PKD2L2: variants seen among roughly 807,000 people sequenced by gnomAD.
PKD2L2 encodes polycystin-2-like protein 2.
Under a neutral mutation model 83.9 loss-of-function variants are expected in PKD2L2, and 67 were observed. That is an observed-to-expected ratio of 0.80 (90% CI 0.66 to 0.98). The LOEUF is 0.98. Ranked by LOEUF, PKD2L2 falls within the 50% of genes least tolerant of loss-of-function variation. The pLI, the probability that PKD2L2 is intolerant of heterozygous loss-of-function variation, is 0.00. For synonymous variants in PKD2L2, 223 were observed against 237.8 expected (o/e 0.94, Z 0.57); for missense variants, 632 against 717.2 (o/e 0.88, Z 1.36).
At chr5:137,941,356 C>A in intron 14 of PKD2L2, among the ~76,000 whole-genome samples, 1 of 152,246 alleles carries the variant, frequency 6.6e-6, no homozygotes, top group East Asian at 1.9e-4. Context: ...GTTTCTCAGG[C>A]CTGAGATAAC....
At position 137,895,473 on chromosome 5, in the gene PKD2L2, A is replaced by T. The variant is rs1436242107; in HGVS notation, c.524+864A>T. ...GGCGACAGAGGGAGACCTTGTCCCT[A>T]AAAAAAAAAAAAAAAAAAAAGGAAG... is the stretch of plus-strand genomic sequence containing the variant. On this transcript the variant is annotated intron_variant, in intron 4 of 14. Coordinates refer to ENST00000508883, the MANE Select transcript of PKD2L2 (RefSeq NM_001300921.2). 2.6e-5 allele frequency among the ~76,000 whole-genome samples: 3 copies of T among 116,882 alleles called. No individual in the cohort carries two copies. In the Admixed American group the frequency reaches 2.6e-4, roughly 10 times the overall value. The allele number at this position is 116,882 out of a possible 152,430, so 76.7% of individuals were successfully genotyped here.
chr5:137,915,188 A>G (rs1758212073), intron 8 of PKD2L2, among the ~76,000 whole-genome samples: 2 of 152,080 alleles, frequency 1.3e-5, no homozygotes, highest in African/African-American at 4.8e-5. Context: ...GAGTTCGAAG[A>G]TTGGCATTAA....
intron 4 of PKD2L2, among the ~76,000 whole-genome samples, chr5:137,897,946 TAAAA>T (rs1376869810): frequency 6.7e-6 from 1 of 149,082 alleles, no homozygotes; most frequent in African/African-American, 2.5e-5. Flanking sequence ...AATTAAAAAA[TAAAA>T]AGAAGAAACA....
chr5:137,925,049 A>C lies in PKD2L2; in HGVS notation c.1561A>C (p.Asn521His), dbSNP rs2150049841. 2 of 1,591,844 alleles carry C rather than the reference A, an allele frequency of 1.3e-6. No individual in the cohort carries two copies. Among genetic ancestry groups the C allele is most frequent in the East Asian group, 4.5e-5 (2 of 44,728 alleles). ...TTTAAATTATGCCCAGAGTTACAAA[A>C]ATGTTCTCGAGAAATTCAGACTGAA... ...LGKMIKQSYK[N>H]VLEKFRLKKA... The change falls in exon 11 of 15, where the codon AAT becomes CAT. Residue 521 changes from asparagine (N) to histidine (H), a missense_variant. This residue lies in a region of PKD2L2 where 399 missense variants were observed against 416.9 expected (regional missense o/e 0.96). Coordinates refer to ENST00000508883, the MANE Select transcript of PKD2L2 (RefSeq NM_001300921.2).
intron 5 of PKD2L2, among the ~76,000 whole-genome samples, chr5:137,905,503 T>C (rs1757296420): frequency 6.6e-6 from 1 of 152,196 alleles, no homozygotes; most frequent in Non-Finnish European, 1.5e-5. Context: ...CTAATATCTT[T>C]AGTAGGAATA....
Position 137,889,504 on chromosome 5 carries a change from T to C in PKD2L2, c.13T>C (p.Ser5Pro). Residue 5 changes from serine to proline, a missense_variant, in exon 1 of 15, where the codon TCA becomes CCA. Around this residue, in one of 3 missense-constraint regions of PKD2L2, gnomAD observed 229 missense variants for 281.5 expected, o/e 0.81. Coordinates refer to ENST00000508883, the MANE Select transcript of PKD2L2 (RefSeq NM_001300921.2). MAEA[S>P]RWHRGGASKH... ...GTGCAGGTCCGCCATGGCTGAGGCG[T>C]CACGGTGGCACCGAGGCGGTGAGGG... 6.4e-7 allele frequency: 1 copy of C among 1,561,232 alleles called. No homozygotes were observed. The highest frequency in any genetic ancestry group is 1.4e-5 in the African/African-American group (1 of 69,838).
intron 10 of PKD2L2, among the ~76,000 whole-genome samples, chr5:137,924,350 C>T (rs544371083): frequency 2.6e-5 from 4 of 152,318 alleles, no homozygotes; most frequent in African/African-American, 4.8e-5. Flanking sequence ...TGTTTTGTGA[C>T]GCTTATTCTC....
chr5:137,920,366 C>T (rs548109270), intron 8 of PKD2L2, among the ~76,000 whole-genome samples: 1 of 152,242 alleles, frequency 6.6e-6, no homozygotes, highest in East Asian at 1.9e-4. Context: ...TACTGTGCTA[C>T]TCAAAGTCTT....
chr5:137,940,827 T>C (rs1028586496), intron 14 of PKD2L2, among the ~76,000 whole-genome samples: 5 of 152,246 alleles, frequency 3.3e-5, no homozygotes, highest in African/African-American at 1.2e-4. Context: ...AGCATCAAAC[T>C]ATCCTAACTA....
chr5:137,902,112 G>A (rs955247059), intron 5 of PKD2L2, among the ~76,000 whole-genome samples: 2 of 151,996 alleles, frequency 1.3e-5, no homozygotes, highest in African/African-American at 4.8e-5. Flanking sequence ...GCCAGATAAC[G>A]AGAAGGAAAA....
Position 137,899,603 on chromosome 5 carries a change from A to G in PKD2L2, c.612A>G (p.Leu204=). ...VYRNGGYIFT[L]SKSKSETKNK... is the part of the protein sequence containing the mutation. ...GAAATGGGGGATACATTTTCACTTT[A>G]TCAAAATCGAAATCTGAAACCAAAA... The change falls in exon 5 of 15, where the codon TTA becomes TTG. Residue 204 remains leucine, a synonymous_variant. Transcript: ENST00000508883. 9 of 1,613,828 alleles carry G rather than the reference A, an allele frequency of 5.6e-6. No homozygotes were observed. Among genetic ancestry groups the G allele is most frequent in the Non-Finnish European group, 7.6e-6 (9 of 1,179,698 alleles).
chr5:137,924,985 T>G (rs1441087222), intron 10 of PKD2L2, 55 bp from the exon 11 acceptor site: 40 of 1,019,056 alleles, frequency 3.9e-5, no homozygotes, highest in Non-Finnish European at 5.4e-5. Flanking sequence ...GATAAAACAT[T>G]AATAATCAAG....
At chr5:137,931,214 G>T (rs1393780103) in intron 12 of PKD2L2, among the ~76,000 whole-genome samples, 1 of 152,144 alleles carries the variant, frequency 6.6e-6, no homozygotes, top group Non-Finnish European at 1.5e-5. Context: ...TCATCAAAGA[G>T]CTGTCTCCAA....
At chr5:137,921,252 T>C (rs1012767201) in intron 8 of PKD2L2, among the ~76,000 whole-genome samples, 23 of 151,884 alleles carry the variant, frequency 1.5e-4, no homozygotes, top group African/African-American at 4.6e-4. Flanking sequence ...TCCCAGCTAC[T>C]TGGGAGTCTG....
chr5:137,889,886 A>T, intron 1 of PKD2L2: 1 of 279,048 alleles, frequency 3.6e-6, no homozygotes, highest in East Asian at 6.5e-5. Flanking sequence ...CCTTCCCAAG[A>T]AGCTGTATTG....
At chr5:137,940,317 G>A in intron 14 of PKD2L2, 1 of 1,607,332 alleles carries the variant, frequency 6.2e-7, no homozygotes, top group Non-Finnish European at 8.5e-7. Flanking sequence ...TACTCCTCAA[G>A]CACTGGAACA....
intron 8 of PKD2L2, 74 bp downstream of exon 8, chr5:137,909,020 T>C: frequency 3.9e-6 from 3 of 764,208 alleles, no homozygotes; most frequent in Non-Finnish European, 6.4e-6. Context: ...TCTAACCTTC[T>C]ATGATAAGTA....
At chr5:137,899,792 C>G in intron 5 of PKD2L2, 55 bp downstream of exon 5, 1 of 918,282 alleles carries the variant, frequency 1.1e-6, no homozygotes, top group Non-Finnish European at 1.7e-6. Context: ...TACAAAACTT[C>G]TTTATTAGTA....
chr5:137,941,657 TC>T (rs1462557668), intron 14 of PKD2L2, among the ~76,000 whole-genome samples: 1 of 151,964 alleles, frequency 6.6e-6, no homozygotes, highest in African/African-American at 2.4e-5. Flanking sequence ...TCACAACCAC[TC>T]CCAAAAGGGT....
Sources: allele counts gnomAD v4.1 joint callset (sites outside exome capture counted in the v4.1 genomes callset), GRCh38; gene constraint gnomAD v4.1.1; regional missense constraint gnomAD v4.1.1; transcripts MANE v1.5; gene names NCBI Gene and HGNC (gene_info 2026-07-23, HGNC 2026-07-21).